GAS2: variants seen among roughly 807,000 people sequenced by gnomAD.
The protein encoded by GAS2 is growth arrest-specific protein 2.
In GAS2, 20 loss-of-function variants were observed where a neutral mutation model predicts 37.5. The ratio of observed to expected loss-of-function variants is 0.53; its 90% CI spans 0.37 to 0.77. The LOEUF (loss-of-function observed/expected upper bound fraction) is 0.77, where lower values mean the gene tolerates loss of function less well. Among genes scored for constraint, GAS2 ranks in the 30% least tolerant of loss-of-function variants. GAS2 has a pLI of 0.00. For missense variants in GAS2, 336 were observed against 373.4 expected (o/e 0.90, Z 0.82); for synonymous variants, 144 against 132.2 (o/e 1.09, Z -0.61).
chr11:22,722,119 T>G (rs181978332), intron 3 of GAS2, among the ~76,000 whole-genome samples: 115 of 152,026 alleles, frequency 7.6e-4, no homozygotes, highest in Middle Eastern at 3.4e-3. Flanking sequence ...TCCAGAGCCC[T>G]ACCTAGAAAC....
intron 2 of GAS2, among the ~76,000 whole-genome samples, chr11:22,684,945 T>C (rs1849868178): frequency 1.3e-5 from 2 of 152,208 alleles, no homozygotes; most frequent in African/African-American, 4.8e-5. Flanking sequence ...GCCATGTTAT[T>C]CAAGTTCCCA....
upstream of GAS2, among the ~76,000 whole-genome samples, chr11:22,663,423 A>T (rs1213194853): frequency 6.6e-6 from 1 of 152,094 alleles, no homozygotes; most frequent in African/African-American, 2.4e-5. Flanking sequence ...AAAATAAAAA[A>T]ATAAAAAATA....
intron 3 of GAS2, among the ~76,000 whole-genome samples, chr11:22,701,018 C>T (rs572282866): frequency 6.6e-6 from 1 of 152,244 alleles, no homozygotes; most frequent in African/African-American, 2.4e-5. Flanking sequence ...ATATTAGAAC[C>T]TTTATTTTCT....
At chr11:22,747,854 T>TA (rs1467378425) in intron 5 of GAS2, among the ~76,000 whole-genome samples, 1 of 152,118 alleles carries the variant, frequency 6.6e-6, no homozygotes, top group African/African-American at 2.4e-5. Flanking sequence ...AAGCCAGGAA[T>TA]AAAACTACTT....
chr11:22,709,116 T>A (rs1319903814), intron 3 of GAS2, among the ~76,000 whole-genome samples: 4 of 152,112 alleles, frequency 2.6e-5, no homozygotes, highest in Non-Finnish European at 5.9e-5. Context: ...ATTGAAGATT[T>A]TTAAGCAGAG....
chr11:22,809,429 C>T (rs995744136), intron 7 of GAS2, among the ~76,000 whole-genome samples: 1 of 151,902 alleles, frequency 6.6e-6, no homozygotes, highest in African/African-American at 2.4e-5. Flanking sequence ...CAGATAAGAC[C>T]AATTTAAGTT....
chr11:22,752,220 G>A (rs1853779445), intron 6 of GAS2, among the ~76,000 whole-genome samples: 2 of 152,028 alleles, frequency 1.3e-5, no homozygotes, highest in Non-Finnish European at 2.9e-5. Context: ...AAAGGCTCTA[G>A]TGAGTTCCAT....
At chr11:22,797,134 G>T (rs1278422521) in intron 7 of GAS2, among the ~76,000 whole-genome samples, 1 of 152,018 alleles carries the variant, frequency 6.6e-6, no homozygotes, top group Non-Finnish European at 1.5e-5. Flanking sequence ...TTGGTGCAGG[G>T]CTGGGAAAAT....
intron 1 of GAS2, among the ~76,000 whole-genome samples, chr11:22,641,426 C>A (rs908339699): frequency 2.7e-5 from 4 of 150,428 alleles, no homozygotes; most frequent in Non-Finnish European, 4.4e-5. Flanking sequence ...TATACATGTG[C>A]CATGTTGGTG....
Position 22,702,655 on chromosome 11 carries a change from G to C in GAS2, c.267+16866G>C, listed in dbSNP as rs143310525. ...ATGTTTGTCTCCTTTCTTATTTGTT[G>C]TAGGCCAGTAGCTGCTAGCCTTCTC... On this transcript the variant is annotated intron_variant, in intron 3 of 7. Coordinates refer to ENST00000454584, the MANE Select transcript of GAS2 (RefSeq NM_001143830.3). 7.7e-4 allele frequency: 117 copies of C among 152,248 alleles called. 1 individual carries two copies. The highest frequency in any genetic ancestry group is 2.8e-3 in the African/African-American group (115 of 41,550). The allele number at this position is 152,248 out of a possible 1,614,324, so 9.4% of individuals were successfully genotyped here.
chr11:22,645,820 T>A (rs2133823376), intron 1 of GAS2, among the ~76,000 whole-genome samples: 1 of 146,520 alleles, frequency 6.8e-6, no homozygotes, highest in South Asian at 2.2e-4. Flanking sequence ...GCAGTATTTG[T>A]TTTCTTTTCT....
intron 6 of GAS2, among the ~76,000 whole-genome samples, chr11:22,752,285 C>G (rs781233613): frequency 2.8e-4 from 42 of 151,966 alleles, no homozygotes; most frequent in Non-Finnish European, 4.3e-4. Flanking sequence ...ACAGAAGTCT[C>G]TTATTCCTTC....
At chr11:22,705,940 T>C (rs142031077) in intron 3 of GAS2, among the ~76,000 whole-genome samples, 1 of 152,244 alleles carries the variant, frequency 6.6e-6, no homozygotes, top group Non-Finnish European at 1.5e-5. Flanking sequence ...AGAGGGAATA[T>C]AGAGTGTGCC....
intron 5 of GAS2, among the ~76,000 whole-genome samples, chr11:22,743,579 T>C (rs1853213543): frequency 6.6e-6 from 1 of 152,132 alleles, no homozygotes; most frequent in Admixed American, 6.5e-5. Context: ...AGATGCTCAG[T>C]AGCAGTTGCT....
chr11:22,706,493 C>T (rs1315547068), intron 3 of GAS2, among the ~76,000 whole-genome samples: 5 of 151,968 alleles, frequency 3.3e-5, no homozygotes, highest in Non-Finnish European at 7.4e-5. Flanking sequence ...GCTCCCCCCA[C>T]CCCACAACAG....
intron 5 of GAS2, among the ~76,000 whole-genome samples, chr11:22,738,098 C>G (rs996601393): frequency 2.0e-5 from 3 of 152,120 alleles, no homozygotes; most frequent in Non-Finnish European, 4.4e-5. Flanking sequence ...AGTCTATTCC[C>G]ATATTCTATC....
At chr11:22,644,282 C>A (rs183402142) in intron 1 of GAS2, among the ~76,000 whole-genome samples, 8 of 152,022 alleles carry the variant, frequency 5.3e-5, no homozygotes, top group African/African-American at 1.9e-4. Context: ...GCATTTTCCC[C>A]AGAGCTCCCT....
chr11:22,642,163 G>C (rs572050669), intron 1 of GAS2, among the ~76,000 whole-genome samples: 215 of 152,238 alleles, frequency 1.4e-3, no homozygotes, highest in Middle Eastern at 0.01. Context: ...ATTACCACTA[G>C]CTGGAACAAC....
At chr11:22,694,066 A>G (rs570354447) in intron 3 of GAS2, among the ~76,000 whole-genome samples, 1 of 152,274 alleles carries the variant, frequency 6.6e-6, no homozygotes, top group Non-Finnish European at 1.5e-5. Context: ...AATGGGTACT[A>G]GGCTTAATAC....
Sources: allele counts gnomAD v4.1 joint callset (sites outside exome capture counted in the v4.1 genomes callset), GRCh38; gene constraint gnomAD v4.1.1; transcripts MANE v1.5; gene names NCBI Gene and HGNC (gene_info 2026-07-23, HGNC 2026-07-21).